The following PNPLA7 variants were observed in gnomAD, a reference collection of about 807,000 sequenced individuals.
PNPLA7 encodes the protein patatin-like phospholipase domain-containing protein 7.
PNPLA7 carries 153 observed loss-of-function variants against 161.7 expected under a neutral mutation model. That is an observed-to-expected ratio of 0.95 (90% CI 0.83 to 1.08). The LOEUF (loss-of-function observed/expected upper bound fraction) is 1.08. Among genes scored for constraint, PNPLA7 ranks in the 50% least tolerant of loss-of-function variants. PNPLA7 has a pLI of 0.00. For synonymous variants in PNPLA7, 809 were observed against 782.1 expected, an observed-to-expected ratio of 1.03 and a Z score of -0.57; for missense variants, 1,739 against 1,856.6, an observed-to-expected ratio of 0.94 and a Z score of 1.16.
At chr9:137,544,106 G>A (rs1318118369) in intron 4 of PNPLA7, among the ~76,000 whole-genome samples, 2 of 152,102 alleles carry the variant, frequency 1.3e-5, no homozygotes, top group East Asian at 1.9e-4. Flanking sequence ...GCTGACACCC[G>A]CTCCATCTTT....
chr9:137,496,580 G>A (rs908437566), intron 18 of PNPLA7, among the ~76,000 whole-genome samples: 4 of 151,994 alleles, frequency 2.6e-5, no homozygotes, highest in East Asian at 2.0e-4. Context: ...GCGTGGTGGC[G>A]CACACCTTTA....
intron 12 of PNPLA7, among the ~76,000 whole-genome samples, chr9:137,510,687 CTT>C (rs1268953009): frequency 1.3e-5 from 2 of 152,218 alleles, no homozygotes; most frequent in African/African-American, 4.8e-5. Flanking sequence ...TCTCTTATCT[CTT>C]TGTCTTGTGT....
intron 18 of PNPLA7, among the ~76,000 whole-genome samples, chr9:137,496,298 G>A (rs1013459721): frequency 6.6e-6 from 1 of 151,526 alleles, no homozygotes; most frequent in African/African-American, 2.4e-5. Context: ...GTAGAGACGG[G>A]GTTTCTTCAT....
chr9:137,461,757 C>G, intron 32 of PNPLA7, 137 bp from the exon 33 acceptor site: 3 of 1,196,396 alleles, frequency 2.5e-6, no homozygotes, highest in African/African-American at 1.5e-5. Context: ...GGGCAGGGAC[C>G]GGGGAGATGC....
Position 137,495,102 on chromosome 9 carries a change from G to T in PNPLA7, c.2058C>A (p.Ala686=). The T allele has an allele frequency of 6.2e-7, 1 of 1,608,386 alleles. No individual in the cohort carries two copies. ...THQARATTVH[A]VRDSELAKLP... is the part of the protein sequence containing the mutation. ...GCTTGGCCAATTCTGAGTCCCGAACGGCATGCACCGTGGTCGCCCGGGCCT... is the reference window on the plus strand; with the variant it reads ...GCTTGGCCAATTCTGAGTCCCGAACTGCATGCACCGTGGTCGCCCGGGCCT... The change falls in exon 19 of 35, where the codon GCC becomes GCA. Residue 686 remains alanine (A), a synonymous_variant. Coordinates refer to ENST00000406427, the MANE Select transcript of PNPLA7 (RefSeq NM_001098537.3).
At chr9:137,532,932 A>C (rs1835654194) in intron 8 of PNPLA7, among the ~76,000 whole-genome samples, 2 of 151,050 alleles carry the variant, frequency 1.3e-5, no homozygotes, top group Non-Finnish European at 3.0e-5. Context: ...GTGAGTGTCC[A>C]CTCCAGACGG....
rs918648236 is a variant in PNPLA7, at chr9:137,467,197, A to G, written c.3039+120T>C. 25 of 1,338,026 alleles carry G rather than the reference A, an allele frequency of 1.9e-5. No homozygotes were observed. Among genetic ancestry groups the G allele is most frequent in the Non-Finnish European group, 2.3e-5 (23 of 1,004,460 alleles). The allele number at this position is 1,338,026 out of a possible 1,614,324, so 82.9% of individuals were successfully genotyped here. A position where few individuals can be genotyped will look rare whatever the true frequency, so the allele number is the denominator to read the frequency against. On this transcript the variant is annotated intron_variant, in intron 26 of 34. Transcript: ENST00000406427. This position sits in a 1 kb window ranked among gnomAD's most constrained non-coding sequence, Gnocchi z 5.1. ...GCTGCACTGGGAGGCTTCAGGGGGT[A>G]GCCTCCTCGAGGGCAGGGCCCTGCA...
At chr9:137,483,139 T>A (rs1832305389) in intron 21 of PNPLA7, among the ~76,000 whole-genome samples, 1 of 152,198 alleles carries the variant, frequency 6.6e-6, no homozygotes. Context: ...CCCCAAGTGC[T>A]GGGATTACAG....
At chr9:137,460,552 C>T in intron 34 of PNPLA7, 76 bp from the exon 35 acceptor site, 6 of 1,598,796 alleles carry the variant, frequency 3.8e-6, no homozygotes, top group Non-Finnish European at 5.1e-6. Context: ...CCGGTGGGAC[C>T]ACAGGGAGGG....
chr9:137,480,453 CCAGCTGGA>C lies in PNPLA7; in HGVS notation c.2431_2438del (p.Ser811AlafsTer40). ...TGTGGGTGTCCTCCTGCTGCCCCAG[CCAGCTGGA>C]CAGCCGGTACTCGTGAACACTGCAG... is the stretch of plus-strand genomic sequence containing the variant. On this transcript the variant is annotated frameshift_variant, in exon 23 of 35. Coordinates refer to ENST00000406427, the MANE Select transcript of PNPLA7 (RefSeq NM_001098537.3). LOFTEE classifies it high-confidence loss of function. 6.2e-7 allele frequency: 1 copy of C among 1,612,062 alleles called. No homozygotes were observed. Among genetic ancestry groups the C allele is most frequent in the Non-Finnish European group, 8.5e-7 (1 of 1,179,008 alleles).
In PNPLA7 at chr9:137,460,195, A is replaced by AG; in HGVS notation, c.*197dup. 1 of 542,706 alleles carries AG rather than the reference A, an allele frequency of 1.8e-6. No homozygotes were observed. Among genetic ancestry groups the AG allele is most frequent in the Non-Finnish European group, 3.3e-6 (1 of 303,036 alleles). The allele number at this position is 542,706 out of a possible 1,614,324, so 33.6% of individuals were successfully genotyped here. A position where few individuals can be genotyped will look rare whatever the true frequency, so the allele number is the denominator to read the frequency against. Reference sequence around the variant, plus strand: ...AGCTTCAGGGGCCTCACAGGACTGCAGGGGGGCTCACAGGGCCCTGTATGC... The same window carrying AG: ...AGCTTCAGGGGCCTCACAGGACTGCAGGGGGGGCTCACAGGGCCCTGTATGC... On this transcript the variant is annotated 3_prime_UTR_variant, in exon 35 of 35. Coordinates refer to ENST00000406427, the MANE Select transcript of PNPLA7 (RefSeq NM_001098537.3).
In PNPLA7 at chr9:137,481,081, C is replaced by T. The variant is rs1832196334; in HGVS notation, c.2348-58G>A. ...CTGGGCAGCCCACCTCCAACGCCAA[C>T]AAGGCACCGACACCCAGCAAGGTAC... is the stretch of plus-strand genomic sequence containing the variant. On this transcript the variant is annotated intron_variant, in intron 21 of 34. Coordinates refer to ENST00000406427, the MANE Select transcript of PNPLA7 (RefSeq NM_001098537.3). The T allele has an allele frequency of 5.2e-6, 8 of 1,527,096 alleles. No individual in the cohort carries two copies. The South Asian group carries it at 9.6e-5, about 18-fold the overall frequency. 94.6% of individuals were successfully genotyped at this position (1,527,096 alleles called of 1,614,324 possible).
chr9:137,547,403 G>A lies in PNPLA7; in HGVS notation c.106-7C>T, dbSNP rs372358005. On this transcript the variant is annotated splice_region_variant and splice_polypyrimidine_tract_variant and intron_variant, in intron 2 of 34. Coordinates refer to ENST00000406427, the MANE Select transcript of PNPLA7 (RefSeq NM_001098537.3). The surrounding 1 kb of genome is among the most constrained non-coding windows in gnomAD (Gnocchi z 4.6). ...CAACTGCAATCCCCGTCAGCTGGCC[G>A]AGAGTGGAAACACGGCGCCCATCAG... The A allele has an allele frequency of 6.8e-6, 11 of 1,613,194 alleles. No homozygotes were observed. Among genetic ancestry groups the A allele is most frequent in the African/African-American group, 1.3e-5 (1 of 74,924 alleles).
intron 12 of PNPLA7, among the ~76,000 whole-genome samples, chr9:137,512,987 TAAAC>T (rs1013982982): frequency 6.6e-6 from 1 of 150,686 alleles, no homozygotes. Context: ...AGCTGTTACT[TAAAC>T]AAAAAAATCC....
At chr9:137,512,275 G>A (rs1043039014) in intron 12 of PNPLA7, among the ~76,000 whole-genome samples, 1 of 152,244 alleles carries the variant, frequency 6.6e-6, no homozygotes, top group Non-Finnish European at 1.5e-5. Flanking sequence ...TTCACACGGC[G>A]AAGCCTGCAC....
At position 137,550,152 on chromosome 9, in the gene PNPLA7, C is replaced by T; in HGVS notation, c.30+16G>A. The T allele has an allele frequency of 6.2e-7, 1 of 1,612,808 alleles. No homozygotes were observed. Among genetic ancestry groups the T allele is most frequent in the Non-Finnish European group, 8.5e-7 (1 of 1,179,764 alleles). ...CAACTGGGAAATCCAGGCATCTGGT[C>T]CCCCGAGTTACATACCTGTGGGCTG... On this transcript the variant is annotated intron_variant, in intron 1 of 34. Transcript: ENST00000406427.
intron 18 of PNPLA7, among the ~76,000 whole-genome samples, chr9:137,496,751 C>T (rs566423511): frequency 6.6e-6 from 1 of 152,264 alleles, no homozygotes; most frequent in South Asian, 2.1e-4. Flanking sequence ...AAACACAAAT[C>T]GGCAGAAGCC....
intron 19 of PNPLA7, among the ~76,000 whole-genome samples, chr9:137,493,578 C>T (rs762708667): frequency 1.2e-4 from 18 of 152,252 alleles, no homozygotes; most frequent in Non-Finnish European, 2.4e-4. Flanking sequence ...TGCTGGCTTG[C>T]AGGGACCCTG....
rs749464337 is a variant in PNPLA7 at position 137,461,549 on chromosome 9, G to T, written c.3828C>A (p.Pro1276=). ...EIVSRIEPAK[P]AMVDDESDYQ... Reference sequence around the variant, plus strand: ...GCCTCCACTCACCATCCACCATGGCGGGCTTGGCGGGCTCAATGCGAGACA... The same window carrying T: ...GCCTCCACTCACCATCCACCATGGCTGGCTTGGCGGGCTCAATGCGAGACA... The change falls in exon 33 of 35, where the codon CCC becomes CCA. Residue 1276 remains proline (P), a synonymous_variant. Coordinates refer to ENST00000406427, the MANE Select transcript of PNPLA7 (RefSeq NM_001098537.3). The T allele has an allele frequency of 6.2e-7, 1 of 1,612,048 alleles. No individual in the cohort carries two copies. Among genetic ancestry groups the T allele is most frequent in the African/African-American group, 1.3e-5 (1 of 74,922 alleles).
Sources: gnomAD v4.1 joint callset for allele counts (sites outside exome capture counted in the v4.1 genomes callset) on GRCh38, gnomAD v4.1.1 for gene constraint, Gnocchi (gnomAD v3.1) non-coding constraint, MANE v1.5 for transcripts, NCBI Gene and HGNC (gene_info 2026-07-23, HGNC 2026-07-21) for gene names.